ADAMTS12: variants seen among roughly 807,000 people sequenced by gnomAD.
The protein encoded by ADAMTS12 is ADAM metallopeptidase with thrombospondin type 1 motif 12.
Under a neutral mutation model 167.8 loss-of-function variants are expected in ADAMTS12, and 118 were observed. That is an observed-to-expected ratio of 0.70 (90% CI 0.61 to 0.82). The LOEUF (loss-of-function observed/expected upper bound fraction) is 0.82, where lower values mean the gene tolerates loss of function less well. Ranked by LOEUF, ADAMTS12 falls within the 40% of genes least tolerant of loss-of-function variation. The probability of loss-of-function intolerance (pLI) is 0.00; values close to 1 mark genes in which losing one functional copy is unlikely to be tolerated. For synonymous variants in ADAMTS12, 704 were observed against 716.9 expected (o/e 0.98, Z 0.29); for missense variants, 1,916 against 1,998.8 (o/e 0.96, Z 0.79).
At chr5:33,575,607 GCA>G (rs139436641) in intron 19 of ADAMTS12, among the ~76,000 whole-genome samples, 2,108 of 152,168 alleles carry the variant, frequency 0.014, 45 homozygotes, top group African/African-American at 0.049. Flanking sequence ...CAAACAGTTG[GCA>G]CTTGAACATA....
chr5:33,762,368 C>T (rs1293249970), intron 2 of ADAMTS12, among the ~76,000 whole-genome samples: 3 of 144,762 alleles, frequency 2.1e-5, no homozygotes, highest in Non-Finnish European at 3.0e-5. Context: ...GTTAGCGGGG[C>T]GTGGTGGCGG....
chr5:33,527,951 G>GAC (rs575952221), intron 23 of ADAMTS12, among the ~76,000 whole-genome samples: 39 of 152,090 alleles, frequency 2.6e-4, no homozygotes, highest in African/African-American at 8.4e-4. Context: ...ATATGAAAAA[G>GAC]ACACACACAC....
chr5:33,848,966 A>G (rs1265506620), intron 2 of ADAMTS12, among the ~76,000 whole-genome samples: 2 of 150,760 alleles, frequency 1.3e-5, no homozygotes, highest in Non-Finnish European at 3.0e-5. Flanking sequence ...ATCTATATAT[A>G]TGTATTGCAT....
chr5:33,743,251 G>A (rs1210691539), intron 3 of ADAMTS12, among the ~76,000 whole-genome samples: 1 of 152,146 alleles, frequency 6.6e-6, no homozygotes, highest in African/African-American at 2.4e-5. Flanking sequence ...GAAACGGTGG[G>A]GGCCAGCAGG....
At chr5:33,688,338 G>C (rs1742424358) in intron 3 of ADAMTS12, among the ~76,000 whole-genome samples, 1 of 126,280 alleles carries the variant, frequency 7.9e-6, no homozygotes, top group Non-Finnish European at 1.7e-5. Context: ...AAAATTTCCA[G>C]TGCTGAGAGA....
At chr5:33,855,285 A>C (rs756206149) in intron 2 of ADAMTS12, among the ~76,000 whole-genome samples, 5 of 152,250 alleles carry the variant, frequency 3.3e-5, no homozygotes, top group Non-Finnish European at 5.9e-5. Flanking sequence ...TTTAAATGTC[A>C]CTAATCCTCA....
chr5:33,595,307 T>C (rs1747866164), intron 17 of ADAMTS12, among the ~76,000 whole-genome samples: 1 of 152,184 alleles, frequency 6.6e-6, no homozygotes, highest in Non-Finnish European at 1.5e-5. Flanking sequence ...CTGAGGATGA[T>C]TTTACCCCGT....
chr5:33,872,297 G>A (rs1184184939), intron 2 of ADAMTS12, among the ~76,000 whole-genome samples: 2 of 152,122 alleles, frequency 1.3e-5, no homozygotes, highest in Non-Finnish European at 2.9e-5. Context: ...TGTAATCCCA[G>A]CATTTTGGGA....
At chr5:33,776,855 A>T (rs1408710586) in intron 2 of ADAMTS12, among the ~76,000 whole-genome samples, 1 of 152,138 alleles carries the variant, frequency 6.6e-6, no homozygotes, top group East Asian at 1.9e-4. Flanking sequence ...ATTTCAGTTG[A>T]TACCACATAA....
chr5:33,781,923 T>A (rs1746144336), intron 2 of ADAMTS12, among the ~76,000 whole-genome samples: 1 of 150,558 alleles, frequency 6.6e-6, no homozygotes, highest in Admixed American at 6.6e-5. Flanking sequence ...TTCCCACCTA[T>A]GAGTGAGAAC....
intron 22 of ADAMTS12, among the ~76,000 whole-genome samples, chr5:33,539,488 T>G (rs188309699): frequency 1.3e-5 from 2 of 152,246 alleles, no homozygotes; most frequent in Admixed American, 6.5e-5. Context: ...GAATCCAAGG[T>G]GCTGGTTGTA....
rs200017200 is a variant in ADAMTS12, at chr5:33,855,724, TTTG to T, written c.489+25392_489+25394del. 7.9e-5 allele frequency among the ~76,000 whole-genome samples: 12 copies of T among 152,276 alleles called. No individual in the cohort carries two copies. In the East Asian group the frequency reaches 2.1e-3, roughly 27 times the overall value. ...TGAGTCTTTATATAATTGTATCTTTTTTGTTGTTGTTGTTTTTGAGACAGGGTC... is the reference window on the plus strand; with the variant it reads ...TGAGTCTTTATATAATTGTATCTTTTTTGTTGTTGTTTTTGAGACAGGGTC... On this transcript the variant is annotated intron_variant, in intron 2 of 23. Coordinates refer to ENST00000504830, the MANE Select transcript of ADAMTS12 (RefSeq NM_030955.4).
chr5:33,838,959 T>G (rs1748637092), intron 2 of ADAMTS12, among the ~76,000 whole-genome samples: 1 of 152,192 alleles, frequency 6.6e-6, no homozygotes, highest in South Asian at 2.1e-4. Context: ...AAAAAACGAC[T>G]GGATTCAAAC....
chr5:33,891,472 C>T (rs746320197), intron 1 of ADAMTS12: 1 of 446,006 alleles, frequency 2.2e-6, no homozygotes, highest in East Asian at 3.5e-5. Flanking sequence ...CCTCTTGGGT[C>T]TTTCAAAGAC....
intron 9 of ADAMTS12, among the ~76,000 whole-genome samples, chr5:33,646,832 A>G (rs1740685044): frequency 6.6e-6 from 1 of 152,252 alleles, no homozygotes; most frequent in Non-Finnish European, 1.5e-5. Flanking sequence ...ACATATTATT[A>G]AAGAAATAAA....
intron 2 of ADAMTS12, among the ~76,000 whole-genome samples, chr5:33,827,299 C>G (rs2112512541): frequency 6.7e-6 from 1 of 149,142 alleles, no homozygotes; most frequent in Middle Eastern, 3.5e-3. Context: ...CAGTTAGTCT[C>G]TAAAAGTCGA....
At chr5:33,769,363 A>G (rs2112422851) in intron 2 of ADAMTS12, among the ~76,000 whole-genome samples, 1 of 152,280 alleles carries the variant, frequency 6.6e-6, no homozygotes, top group South Asian at 2.1e-4. Context: ...AAATGGAGGG[A>G]CCGTGCCAAC....
intron 22 of ADAMTS12, among the ~76,000 whole-genome samples, chr5:33,540,743 T>G (rs1579638570): frequency 6.6e-6 from 1 of 152,206 alleles, no homozygotes; most frequent in Admixed American, 6.5e-5. Flanking sequence ...CTGAGGGATC[T>G]GACTGTTAGA....
At chr5:33,645,073 G>C (rs1740610956) in intron 9 of ADAMTS12, among the ~76,000 whole-genome samples, 1 of 151,960 alleles carries the variant, frequency 6.6e-6, no homozygotes. Flanking sequence ...CCTTGGTTGA[G>C]TGTTGGTTCC....
Sources: gnomAD v4.1 joint callset for allele counts (sites outside exome capture counted in the v4.1 genomes callset) on GRCh38, gnomAD v4.1.1 for gene constraint, MANE v1.5 for transcripts, NCBI Gene and HGNC (gene_info 2026-07-23, HGNC 2026-07-21) for gene names.